The following ACACA variants were observed in gnomAD, a reference collection of about 807,000 sequenced individuals.
ACACA encodes the protein acetyl-CoA carboxylase alpha.
In ACACA, 103 loss-of-function variants were observed where a neutral mutation model predicts 296.1. That is an observed-to-expected ratio of 0.35 (90% CI 0.30 to 0.41). The LOEUF (loss-of-function observed/expected upper bound fraction) is 0.41, where lower values mean the gene tolerates loss of function less well. Ranked by LOEUF, ACACA falls within the 10% of genes least tolerant of loss-of-function variation. ACACA has a pLI of 1.00. For synonymous variants in ACACA, 953 were observed against 1,038.6 expected (o/e 0.92, Z 1.58); for missense variants, 1,554 against 2,989.7 (o/e 0.52, Z 11.20).
At chr17:37,160,555 AAAGT>A (rs2076418918) in intron 42 of ACACA, among the ~76,000 whole-genome samples, 1 of 152,210 alleles carries the variant, frequency 6.6e-6, no homozygotes, top group African/African-American at 2.4e-5. Flanking sequence ...GCTTGAATTT[AAAGT>A]AAGATCAGTC....
intron 54 of ACACA, among the ~76,000 whole-genome samples, chr17:37,090,987 A>G (rs2072588217): frequency 6.6e-6 from 1 of 151,908 alleles, no homozygotes; most frequent in East Asian, 1.9e-4. Context: ...AGTTTAGGAG[A>G]ATATTTAATA....
chr17:37,275,575 C>T (rs1473619423), intron 8 of ACACA, among the ~76,000 whole-genome samples: 2 of 151,706 alleles, frequency 1.3e-5, no homozygotes, highest in African/African-American at 2.4e-5. Context: ...TTAGGTTTTT[C>T]CTAGTGATCC....
intron 1 of ACACA, among the ~76,000 whole-genome samples, chr17:37,364,786 C>CT (rs2147636547): frequency 1.3e-5 from 2 of 152,288 alleles, no homozygotes; most frequent in South Asian, 4.1e-4. Context: ...GCTTCTGGCA[C>CT]TTGCCATGCT....
At chr17:37,294,383 A>C (rs1196941120) in intron 3 of ACACA, among the ~76,000 whole-genome samples, 1 of 152,222 alleles carries the variant, frequency 6.6e-6, no homozygotes. Flanking sequence ...TTAATTTTTA[A>C]GTGCTCTTTT....
intron 1 of ACACA, among the ~76,000 whole-genome samples, chr17:37,353,601 T>C (rs1051214378): frequency 8.1e-6 from 1 of 123,286 alleles, no homozygotes; most frequent in Non-Finnish European, 1.6e-5. Context: ...ATCACGTCAC[T>C]GTACTCCAGC....
chr17:37,244,722 T>C lies in ACACA; in HGVS notation c.2608A>G (p.Thr870Ala). The part of the protein sequence containing the change: ...PSKVQQAELH[T>A]GSLPRIQSTA... ...CTCTGGATCCGTGGCAGACTACCTGTGTGAAGTTCAGCCTGTCAACCCCAA... is the reference window on the plus strand; with the variant it reads ...CTCTGGATCCGTGGCAGACTACCTGCGTGAAGTTCAGCCTGTCAACCCCAA... The change falls in exon 21 of 56, where the codon ACA (threonine) becomes GCA (alanine). Residue 870 changes from threonine (T) to alanine (A), a missense_variant. This residue lies in a region of ACACA where 316 missense variants were observed against 540.9 expected (regional missense o/e 0.58). Coordinates refer to ENST00000616317, the MANE Select transcript of ACACA (RefSeq NM_198834.3). The C allele has an allele frequency of 1.9e-6, 3 of 1,614,184 alleles. No homozygotes were observed. The highest frequency in any genetic ancestry group is 1.3e-5 in the African/African-American group (1 of 75,036).
chr17:37,093,993 T>C (rs927737376), intron 54 of ACACA, among the ~76,000 whole-genome samples: 1 of 152,178 alleles, frequency 6.6e-6, no homozygotes, highest in Admixed American at 6.5e-5. Context: ...TAATTTCAAT[T>C]TCTACTATTG....
chr17:37,088,001 C>T (rs953757793), intron 55 of ACACA, among the ~76,000 whole-genome samples: 2 of 152,156 alleles, frequency 1.3e-5, no homozygotes, highest in Non-Finnish European at 2.9e-5. Flanking sequence ...AGTAATTATA[C>T]GGTAGAGAAA....
At position 37,291,167 on chromosome 17, in the gene ACACA, CAT is replaced by C. The variant is rs1311955310; in HGVS notation, c.339-6199_339-6198del. Among the ~76,000 whole-genome samples, 4 of 61,684 alleles carry C rather than the reference CAT, an allele frequency of 6.5e-5. No homozygotes were observed. In the East Asian group the frequency reaches 1.5e-3, roughly 23 times the overall value. The allele number at this position is 61,684 out of a possible 152,430, so 40.5% of individuals were successfully genotyped here. ...ATACACACACACACACACACACACA[CAT>C]CTCATAATATTTGTTTTTGTTTTGA... On this transcript the variant is annotated intron_variant, in intron 3 of 55. Transcript: ENST00000616317.
intron 50 of ACACA, among the ~76,000 whole-genome samples, chr17:37,117,713 T>C (rs781074549): frequency 6.6e-6 from 1 of 152,172 alleles, no homozygotes; most frequent in Non-Finnish European, 1.5e-5. Context: ...AAAGCACCAA[T>C]ACCATCTTGA....
In ACACA at chr17:37,200,226, T is replaced by C. The variant is rs776523506; in HGVS notation, c.4114-43A>G. 5 of 1,531,150 alleles carry C rather than the reference T, an allele frequency of 3.3e-6. No individual in the cohort carries two copies. In the South Asian group the frequency reaches 5.6e-5, roughly 17 times the overall value. The allele number at this position is 1,531,150 out of a possible 1,614,324, so 94.8% of individuals were successfully genotyped here. The stretch of plus-strand genomic sequence containing the variant: ...GAAAGGAAGGAAAGACAGCAGAAGT[T>C]GGCAATTAGTAACAAAATCAAAAAG... On this transcript the variant is annotated intron_variant, in intron 34 of 55. Coordinates refer to ENST00000616317, the MANE Select transcript of ACACA (RefSeq NM_198834.3).
At chr17:37,117,326 CAG>C (rs1364753016) in intron 50 of ACACA, among the ~76,000 whole-genome samples, 1 of 152,184 alleles carries the variant, frequency 6.6e-6, no homozygotes, top group Non-Finnish European at 1.5e-5. Flanking sequence ...TCCTAGTAAT[CAG>C]AGACTTTAAA....
chr17:37,294,952 T>C (rs1478168047), intron 3 of ACACA, among the ~76,000 whole-genome samples: 1 of 152,228 alleles, frequency 6.6e-6, no homozygotes, highest in Non-Finnish European at 1.5e-5. Context: ...ACTTCTGGCA[T>C]CCTTATAATT....
intron 43 of ACACA, among the ~76,000 whole-genome samples, chr17:37,152,312 A>G (rs1448207050): frequency 1.3e-5 from 2 of 152,234 alleles, no homozygotes; most frequent in Non-Finnish European, 2.9e-5. Flanking sequence ...AAGCAAGGTC[A>G]ATGTATATCT....
chr17:37,342,815 C>T (rs896263133), intron 1 of ACACA, among the ~76,000 whole-genome samples: 2 of 151,606 alleles, frequency 1.3e-5, no homozygotes, highest in Admixed American at 6.6e-5. Context: ...GTAGCACATG[C>T]CCATGGTCCC....
intron 44 of ACACA, 40 bp from the exon 45 acceptor site, chr17:37,150,014 C>T: frequency 1.3e-6 from 2 of 1,564,908 alleles, no homozygotes; most frequent in Non-Finnish European, 1.8e-6. Context: ...ATATTTATGT[C>T]CTCTCTGAAG....
chr17:37,089,085 A>G lies in ACACA; in HGVS notation c.6892-11T>C, dbSNP rs1457369037. ...GTCCCAAACATAAGCCTGCAAACAGATGACTCTTGGTCAAACACCAGGGGT... is the reference window on the plus strand; with the variant it reads ...GTCCCAAACATAAGCCTGCAAACAGGTGACTCTTGGTCAAACACCAGGGGT... On this transcript the variant is annotated splice_polypyrimidine_tract_variant and intron_variant, in intron 54 of 55. Transcript: ENST00000616317. 1 of 1,614,048 alleles carries G rather than the reference A, an allele frequency of 6.2e-7. No individual in the cohort carries two copies. The highest frequency in any genetic ancestry group is 1.7e-5 in the Admixed American group (1 of 60,008).
chr17:37,118,896 A>G (rs951487994), intron 50 of ACACA, among the ~76,000 whole-genome samples: 20 of 152,194 alleles, frequency 1.3e-4, no homozygotes, highest in Admixed American at 1.3e-4. Context: ...GCGGCAGCCA[A>G]TCTGGGCCTG....
chr17:37,182,550 G>A (rs781324868), intron 39 of ACACA, among the ~76,000 whole-genome samples: 5 of 152,054 alleles, frequency 3.3e-5, no homozygotes, highest in Non-Finnish European at 7.4e-5. Context: ...ATTTATAAAG[G>A]ATGCCATTAT....
Sources: allele counts gnomAD v4.1 joint callset (sites outside exome capture counted in the v4.1 genomes callset), GRCh38; gene constraint gnomAD v4.1.1; regional missense constraint gnomAD v4.1.1; transcripts MANE v1.5; gene names NCBI Gene and HGNC (gene_info 2026-07-23, HGNC 2026-07-21).